MAP3K15: variants seen among roughly 807,000 people sequenced by gnomAD.
MAP3K15 encodes mitogen-activated protein kinase kinase kinase 15.
A neutral mutation model predicts 99.5 loss-of-function variants in MAP3K15; 124 were observed. That is an observed-to-expected ratio of 1.25 (90% CI 1.08 to 1.45). MAP3K15 has a LOEUF of 1.45. MAP3K15 is among the 40% of genes most tolerant of loss of function. MAP3K15 has a pLI of 0.00. For missense variants in MAP3K15, 1,242 were observed against 1,079.7 expected, an observed-to-expected ratio of 1.15 and a Z score of -2.11; for synonymous variants, 494 against 439.6, an observed-to-expected ratio of 1.12 and a Z score of -1.55.
At chrX:19,376,693 C>T (rs149760832) in intron 19 of MAP3K15, 4,992 of 110,084 alleles carry the variant, frequency 0.045, 143 homozygotes, top group South Asian at 0.13. Flanking sequence ...GATCCTCCTG[C>T]GTCGGCCTCC....
At chrX:19,488,541 G>A (rs376431313) in intron 2 of MAP3K15, among the ~76,000 whole-genome samples, 5 of 111,310 alleles carry the variant, frequency 4.5e-5, no homozygotes, top group South Asian at 7.6e-4. Flanking sequence ...GAAGGAATTC[G>A]GGACAGTGTG....
Position 19,431,456 on chromosome X carries a change from C to T in MAP3K15, c.1148G>A (p.Arg383His), listed in dbSNP as rs201645151. ...LDSDCKDDTS[R>H]DSAIEWYRKG... ...GGTTTACCACTCAATGGCGCTGTCG[C>T]GGCTGGTGTCATCTTTGCAGTCTGA... The change falls in exon 7 of 29, where the codon CGC (arginine) becomes CAC (histidine). Residue 383 changes from arginine (R) to histidine (H), a missense_variant. By Grantham distance (29) the Arg-to-His change is conservative. Transcript: ENST00000338883. The T allele has an allele frequency of 6.3e-4, 756 of 1,198,118 alleles. 4 individuals carry two copies. The African/African-American group carries it at 9.7e-3, about 15-fold the overall frequency.
chrX:19,415,594 A>G (rs1305175347), intron 9 of MAP3K15, among the ~76,000 whole-genome samples: 1 of 111,886 alleles, frequency 8.9e-6, no homozygotes, highest in Non-Finnish European at 1.9e-5. Flanking sequence ...TGAACAACAC[A>G]GGTATGAACT....
chrX:19,449,370 C>T (rs923600297), intron 6 of MAP3K15, among the ~76,000 whole-genome samples: 6 of 110,034 alleles, frequency 5.5e-5, no homozygotes, highest in African/African-American at 1.6e-4. Context: ...AGCTTGACAA[C>T]ATCATATTGT....
At chrX:19,464,579 AG>A (rs2064153627) in intron 3 of MAP3K15, among the ~76,000 whole-genome samples, 173 bp from the exon 4 acceptor site, 1 of 111,609 alleles carries the variant, frequency 9.0e-6, no homozygotes. Flanking sequence ...CGATTTCAAA[AG>A]CTCTACCACG....
chrX:19,372,547 A>G (rs2063383123), intron 22 of MAP3K15, 106 bp downstream of exon 22: 1 of 689,233 alleles, frequency 1.5e-6, no homozygotes, highest in East Asian at 3.3e-5. Context: ...GTAACTATGC[A>G]GATGTTCCAG....
intron 11 of MAP3K15, 147 bp from the exon 12 acceptor site, chrX:19,410,120 T>C (rs902403809): frequency 3.1e-5 from 13 of 420,078 alleles, no homozygotes; most frequent in Admixed American, 2.2e-4. Flanking sequence ...TTGTATAACA[T>C]GGAACACCAG....
At chrX:19,480,817 C>CAA (rs779759257) in intron 3 of MAP3K15, among the ~76,000 whole-genome samples, 21 of 73,123 alleles carry the variant, frequency 2.9e-4, no homozygotes, top group African/African-American at 1.1e-3. Context: ...AACTCTGTCT[C>CAA]AAAAAAAAAA....
At chrX:19,462,944 C>T (rs2064141935) in intron 4 of MAP3K15, among the ~76,000 whole-genome samples, 1 of 112,415 alleles carries the variant, frequency 8.9e-6, no homozygotes, top group Non-Finnish European at 1.9e-5. Context: ...AGTTGTTTGC[C>T]TACTGATACA....
chrX:19,373,780 G>A (rs1473766341), intron 20 of MAP3K15, 85 bp from the exon 21 acceptor site: 19 of 1,019,046 alleles, frequency 1.9e-5, no homozygotes, highest in Non-Finnish European at 2.5e-5. Flanking sequence ...CTCAAGCCCA[G>A]GTGAACCGCC....
intron 5 of MAP3K15, among the ~76,000 whole-genome samples, chrX:19,459,571 C>T (rs1031895030): frequency 2.7e-5 from 3 of 112,413 alleles, no homozygotes; most frequent in South Asian, 3.7e-4. Flanking sequence ...CACCTCTGGC[C>T]GGGCACAGTG....
Position 19,373,526 on chromosome X carries a change from A to G in MAP3K15, c.2933+10T>C. 8.6e-7 allele frequency: 1 copy of G among 1,167,803 alleles called. No individual in the cohort carries two copies. The highest frequency in any genetic ancestry group is 1.1e-6 in the Non-Finnish European group (1 of 873,056). ...CGGGCCCGCGGCAGACAGACAGAAT[A>G]CGGGTGTACCTGAGGAGGTGGCCAA... On this transcript the variant is annotated intron_variant, in intron 21 of 28. Coordinates refer to ENST00000338883, the MANE Select transcript of MAP3K15 (RefSeq NM_001001671.4).
chrX:19,465,142 C>T (rs1007501545), intron 3 of MAP3K15, among the ~76,000 whole-genome samples: 10 of 111,200 alleles, frequency 9.0e-5, no homozygotes, highest in African/African-American at 2.6e-4. Context: ...AATCCGCCCA[C>T]CTCAACCTCC....
chrX:19,493,560 A>G (rs953086721), intron 1 of MAP3K15, among the ~76,000 whole-genome samples: 1 of 111,464 alleles, frequency 9.0e-6, no homozygotes, highest in Admixed American at 9.6e-5. Flanking sequence ...AATTGTAATA[A>G]AACACCAGAT....
intron 21 of MAP3K15, 86 bp downstream of exon 21, chrX:19,373,450 C>T: frequency 9.3e-7 from 1 of 1,080,997 alleles, no homozygotes. Flanking sequence ...CAGTGGCCAT[C>T]TGGTTGGGAC....
rs143238072 is a variant in MAP3K15, at chrX:19,458,310, G to T, written c.889-1291C>A. Among the ~76,000 whole-genome samples the T allele has an allele frequency of 7.0e-3, 783 of 112,414 alleles. 7 individuals carry two copies. The highest frequency in any genetic ancestry group is 0.024 in the African/African-American group (751 of 31,029). Reference sequence around the variant, plus strand: ...CAGCTCGAGGGAAGAAAGGCTTCAAGAAAAGTCATTCCCATGTTCTTGTCC... The same window carrying T: ...CAGCTCGAGGGAAGAAAGGCTTCAATAAAAGTCATTCCCATGTTCTTGTCC... On this transcript the variant is annotated intron_variant, in intron 5 of 28. Transcript: ENST00000338883.
At chrX:19,378,420 G>A (rs1047562539) in intron 19 of MAP3K15, among the ~76,000 whole-genome samples, 1 of 111,937 alleles carries the variant, frequency 8.9e-6, no homozygotes, top group African/African-American at 3.2e-5. Flanking sequence ...CACGCGGCTG[G>A]GGAGGCCTCA....
intron 6 of MAP3K15, among the ~76,000 whole-genome samples, chrX:19,445,782 A>G (rs1270687320): frequency 9.3e-6 from 1 of 107,237 alleles, no homozygotes; most frequent in African/African-American, 3.4e-5. Flanking sequence ...GCCAATATCT[A>G]CTAAAAATAC....
At chrX:19,437,563 T>A (rs1231119128) in intron 6 of MAP3K15, among the ~76,000 whole-genome samples, 4 of 112,030 alleles carry the variant, frequency 3.6e-5, no homozygotes, top group African/African-American at 1.3e-4. Context: ...TTGCTCCATG[T>A]CACTTTCTAA....
Sources: gnomAD v4.1 joint callset for allele counts (sites outside exome capture counted in the v4.1 genomes callset) on GRCh38, gnomAD v4.1.1 for gene constraint, MANE v1.5 for transcripts, NCBI Gene and HGNC (gene_info 2026-07-23, HGNC 2026-07-21) for gene names.